Variants in NALF1 observed in about 807,000 individuals in gnomAD.
NALF1 encodes family with sequence similarity 155 member A.
NALF1 carries 3 observed loss-of-function variants against 48.4 expected under a neutral mutation model. The observed-to-expected ratio is 0.06, with a 90% CI of 0.03 to 0.16. The LOEUF (loss-of-function observed/expected upper bound fraction) is 0.16, where lower values mean the gene tolerates loss of function less well. NALF1 is among the 10% of genes least tolerant of loss of function. The pLI, the probability that NALF1 is intolerant of heterozygous loss-of-function variation, is 1.00. For synonymous variants in NALF1, 262 were observed against 245.7 expected, an observed-to-expected ratio of 1.07 and a Z score of -0.62; for missense variants, 526 against 571.5, an observed-to-expected ratio of 0.92 and a Z score of 0.81.
At chr13:107,812,212 C>T (rs1048094562) in intron 1 of NALF1, among the ~76,000 whole-genome samples, 4 of 152,072 alleles carry the variant, frequency 2.6e-5, no homozygotes, top group African/African-American at 9.7e-5. Context: ...AGCATAAATG[C>T]TGACATATCC....
At position 107,164,517 on chromosome 13, in the gene NALF1, G is replaced by A. The variant is rs1878620035; in HGVS notation, c.*5980C>T. ...TTTATATATATTTTTTGATCTATGAGTGCCTTAAACAACCACTTTGAAGTT... is the reference window on the plus strand; with the variant it reads ...TTTATATATATTTTTTGATCTATGAATGCCTTAAACAACCACTTTGAAGTT... On this transcript the variant is annotated 3_prime_UTR_variant, in exon 3 of 3. Coordinates refer to ENST00000375915, the MANE Select transcript of NALF1 (RefSeq NM_001080396.3). 6.6e-6 allele frequency: 1 copy of A among 151,726 alleles called. No individual in the cohort carries two copies. Among genetic ancestry groups the A allele is most frequent in the Non-Finnish European group, 1.5e-5 (1 of 67,990 alleles). 9.4% of individuals were successfully genotyped at this position (151,726 alleles called of 1,614,324 possible).
At chr13:107,194,062 A>G (rs1308749958) in intron 2 of NALF1, among the ~76,000 whole-genome samples, 4 of 149,944 alleles carry the variant, frequency 2.7e-5, no homozygotes, top group Admixed American at 2.7e-4. Context: ...CTATCTATAT[A>G]TCAATCTATC....
At chr13:107,732,990 G>A (rs1310375290) in intron 1 of NALF1, among the ~76,000 whole-genome samples, 1 of 152,050 alleles carries the variant, frequency 6.6e-6, no homozygotes, top group Non-Finnish European at 1.5e-5. Context: ...CACCATTGTG[G>A]GTAAACATAT....
intron 1 of NALF1, among the ~76,000 whole-genome samples, chr13:107,517,913 T>C (rs1280237880): frequency 2.0e-5 from 3 of 152,028 alleles, no homozygotes; most frequent in Admixed American, 1.3e-4. Flanking sequence ...GGTTGCGCCA[T>C]GTTGCACTCC....
intron 1 of NALF1, among the ~76,000 whole-genome samples, chr13:107,653,799 C>G (rs150288234): frequency 1.2e-4 from 19 of 152,038 alleles, no homozygotes; most frequent in African/African-American, 3.9e-4. Context: ...CACACAATAA[C>G]AGAAAGAAAT....
chr13:107,310,689 A>ATTC (rs1158276173), intron 1 of NALF1, among the ~76,000 whole-genome samples: 2 of 151,800 alleles, frequency 1.3e-5, no homozygotes, highest in Non-Finnish European at 2.9e-5. Context: ...TATTATTATT[A>ATTC]TTATTTTAGA....
chr13:107,688,761 C>T (rs1881499130), intron 1 of NALF1, among the ~76,000 whole-genome samples: 1 of 152,140 alleles, frequency 6.6e-6, no homozygotes, highest in African/African-American at 2.4e-5. Context: ...GACCTATTGC[C>T]AGAGAACTGA....
At chr13:107,648,567 T>A (rs1458891905) in intron 1 of NALF1, among the ~76,000 whole-genome samples, 1 of 152,160 alleles carries the variant, frequency 6.6e-6, no homozygotes, top group Admixed American at 6.5e-5. Context: ...TACAAAAGTT[T>A]GTTTATTCAT....
At chr13:107,660,192 C>A (rs1303202680) in intron 1 of NALF1, among the ~76,000 whole-genome samples, 1 of 151,808 alleles carries the variant, frequency 6.6e-6, no homozygotes, top group Non-Finnish European at 1.5e-5. Flanking sequence ...ATAATCCCAG[C>A]ACTTTGGGAG....
At chr13:107,706,918 CT>C (rs34091754) in intron 1 of NALF1, among the ~76,000 whole-genome samples, 11 of 101,282 alleles carry the variant, frequency 1.1e-4, no homozygotes, top group East Asian at 3.2e-4. Context: ...CAAGGGCATT[CT>C]TTTTTTTTTT....
chr13:107,242,258 C>T (rs564163132), intron 1 of NALF1, among the ~76,000 whole-genome samples: 10 of 152,184 alleles, frequency 6.6e-5, no homozygotes, highest in Non-Finnish European at 1.3e-4. Flanking sequence ...CTCCCGTTTC[C>T]ACCCTCTCCT....
At chr13:107,758,754 G>A (rs996240381) in intron 1 of NALF1, among the ~76,000 whole-genome samples, 3 of 152,020 alleles carry the variant, frequency 2.0e-5, no homozygotes, top group African/African-American at 4.8e-5. Flanking sequence ...AGAAAAGCAC[G>A]TATAATTGCC....
chr13:107,597,758 G>GT (rs1291986842), intron 1 of NALF1, among the ~76,000 whole-genome samples: 8 of 152,080 alleles, frequency 5.3e-5, no homozygotes, highest in Non-Finnish European at 1.0e-4. Context: ...GCTGCTAATT[G>GT]TAAGAATACA....
intron 1 of NALF1, among the ~76,000 whole-genome samples, chr13:107,390,725 A>G (rs998227937): frequency 6.6e-6 from 1 of 152,086 alleles, no homozygotes; most frequent in East Asian, 1.9e-4. Flanking sequence ...CAGATAAGAG[A>G]GGGACGGCAC....
At chr13:107,623,640 C>T (rs539105921) in intron 1 of NALF1, among the ~76,000 whole-genome samples, 16 of 152,216 alleles carry the variant, frequency 1.1e-4, no homozygotes, top group Admixed American at 5.9e-4. Flanking sequence ...TATGTAGAAA[C>T]GCAAAGATTT....
intron 1 of NALF1, among the ~76,000 whole-genome samples, chr13:107,615,740 T>C (rs1879361705): frequency 6.6e-6 from 1 of 152,204 alleles, no homozygotes; most frequent in Non-Finnish European, 1.5e-5. Context: ...TATATTTTCT[T>C]TTACACTAGG....
chr13:107,522,945 G>A (rs534444262), intron 1 of NALF1, among the ~76,000 whole-genome samples: 130 of 152,016 alleles, frequency 8.6e-4, no homozygotes, highest in South Asian at 1.0e-3. Flanking sequence ...AGGAAGTTCT[G>A]CAAAAATGAC....
At chr13:107,274,732 T>C (rs947861617) in intron 1 of NALF1, among the ~76,000 whole-genome samples, 1 of 152,146 alleles carries the variant, frequency 6.6e-6, no homozygotes, top group African/African-American at 2.4e-5. Flanking sequence ...TGGTATGGTA[T>C]GATAATTATA....
chr13:107,222,018 G>A (rs1320793752), intron 1 of NALF1, among the ~76,000 whole-genome samples: 3 of 152,140 alleles, frequency 2.0e-5, no homozygotes, highest in Non-Finnish European at 2.9e-5. Flanking sequence ...TGTTATGTGC[G>A]TTTTGCTTTA....
Sources: allele counts gnomAD v4.1 joint callset (sites outside exome capture counted in the v4.1 genomes callset), GRCh38; gene constraint gnomAD v4.1.1; transcripts MANE v1.5; gene names NCBI Gene and HGNC (gene_info 2026-07-23, HGNC 2026-07-21).